The following FGGY variants were observed in gnomAD, a reference collection of about 807,000 sequenced individuals.
FGGY encodes the protein FGGY carbohydrate kinase domain-containing protein.
A neutral mutation model predicts 71.3 loss-of-function variants in FGGY; 72 were observed. That is an observed-to-expected ratio of 1.01 (90% CI 0.84 to 1.23). FGGY has a LOEUF of 1.23. FGGY is among the 50% of genes most tolerant of loss of function. The pLI is 0.00. For missense variants in FGGY, 668 were observed against 682.3 expected (o/e 0.98, Z 0.23); for synonymous variants, 251 against 250.3 (o/e 1.00, Z -0.02).
At position 59,379,162 on chromosome 1, in the gene FGGY, A is replaced by ACACACACACACACAC. The variant is rs2059056932; in HGVS notation, c.554+325_554+326insCACACACACACACAC. 1.4e-4 allele frequency among the ~76,000 whole-genome samples: 20 copies of ACACACACACACACAC among 143,234 alleles called. No homozygotes were observed. In the South Asian group the frequency reaches 4.3e-3, roughly 31 times the overall value. The allele number at this position is 143,234 out of a possible 152,430, so 94.0% of individuals were successfully genotyped here. A position where few individuals can be genotyped will look rare whatever the true frequency, so the allele number is the denominator to read the frequency against. On this transcript the variant is annotated intron_variant, in intron 5 of 15. Transcript: ENST00000303721. ...ACATGATGAATAAAAGGAAAAAATAAACACACACACACACACACACACACA... is the reference window on the plus strand; with the variant it reads ...ACATGATGAATAAAAGGAAAAAATAACACACACACACACACACACACACACACACACACACACACA...
chr1:59,462,398 G>T (rs2092307658), intron 6 of FGGY, among the ~76,000 whole-genome samples: 1 of 152,068 alleles, frequency 6.6e-6, no homozygotes, highest in African/African-American at 2.4e-5. Flanking sequence ...ATAGGCATGG[G>T]CAAGGACTTC....
At chr1:59,593,317 C>T (rs2096480101) in intron 8 of FGGY, among the ~76,000 whole-genome samples, 1 of 152,208 alleles carries the variant, frequency 6.6e-6, no homozygotes, top group Admixed American at 6.5e-5. Flanking sequence ...ATCATCTTCC[C>T]ATCGCCTTCA....
At chr1:59,564,486 C>T (rs911709523) in intron 8 of FGGY, among the ~76,000 whole-genome samples, 47 of 152,190 alleles carry the variant, frequency 3.1e-4, no homozygotes, top group African/African-American at 1.1e-3. Flanking sequence ...GTGGCCTGGG[C>T]CTGGGGGGCC....
intron 14 of FGGY, among the ~76,000 whole-genome samples, chr1:59,726,609 A>C (rs2097950838): frequency 6.6e-6 from 1 of 152,174 alleles, no homozygotes; most frequent in Admixed American, 6.5e-5. Context: ...TCATTAGTGG[A>C]TACAGCTCTA....
chr1:59,516,440 G>A (rs1420341060), intron 7 of FGGY, among the ~76,000 whole-genome samples: 1 of 152,202 alleles, frequency 6.6e-6, no homozygotes, highest in Non-Finnish European at 1.5e-5. Flanking sequence ...TAATAGTATA[G>A]GTTTGGGACA....
chr1:59,375,071 TAAA>T (rs369481865), intron 4 of FGGY, among the ~76,000 whole-genome samples: 1 of 140,266 alleles, frequency 7.1e-6, no homozygotes, highest in East Asian at 2.1e-4. Flanking sequence ...ATAATAATAA[TAAA>T]AAAAAATCCA....
chr1:59,547,429 C>T (rs2095543506), intron 7 of FGGY, among the ~76,000 whole-genome samples: 1 of 152,108 alleles, frequency 6.6e-6, no homozygotes, highest in Admixed American at 6.6e-5. Context: ...CTTCTGTGAA[C>T]TCCACGAGAT....
At chr1:59,503,222 A>C (rs2153612523) in intron 6 of FGGY, among the ~76,000 whole-genome samples, 1 of 152,292 alleles carries the variant, frequency 6.6e-6, no homozygotes, top group South Asian at 2.1e-4. Context: ...ATTACTATAA[A>C]ATCTAATTCT....
chr1:59,590,483 C>T (rs1463574862), intron 8 of FGGY, among the ~76,000 whole-genome samples: 4 of 151,848 alleles, frequency 2.6e-5, no homozygotes, highest in Non-Finnish European at 4.4e-5. Context: ...GAGACACAAC[C>T]AAAAAAGAGA....
intron 12 of FGGY, among the ~76,000 whole-genome samples, chr1:59,661,739 G>T (rs1197008958): frequency 2.2e-5 from 3 of 134,660 alleles, no homozygotes; most frequent in Admixed American, 7.4e-5. Flanking sequence ...TTTTTGTTTT[G>T]AGACAGAGTC....
At chr1:59,639,587 G>C (rs933494982) in intron 11 of FGGY, among the ~76,000 whole-genome samples, 3 of 152,166 alleles carry the variant, frequency 2.0e-5, no homozygotes, top group Non-Finnish European at 4.4e-5. Flanking sequence ...ACAGGGGGTA[G>C]GGGAAGAACA....
At chr1:59,541,641 T>C (rs2095441460) in intron 7 of FGGY, among the ~76,000 whole-genome samples, 1 of 152,208 alleles carries the variant, frequency 6.6e-6, no homozygotes, top group Non-Finnish European at 1.5e-5. Context: ...TTAAAATTAT[T>C]TCCTTTGAAA....
At chr1:59,391,562 G>C (rs1307475329) in intron 5 of FGGY, among the ~76,000 whole-genome samples, 1 of 152,182 alleles carries the variant, frequency 6.6e-6, no homozygotes, top group East Asian at 1.9e-4. Context: ...ATAGAAAAGG[G>C]TGAGAAGCCC....
chr1:59,762,087 A>G (rs1296074093), intron 15 of FGGY, among the ~76,000 whole-genome samples: 3 of 107,014 alleles, frequency 2.8e-5, no homozygotes, highest in East Asian at 2.7e-4. Context: ...TTTTTTTTTG[A>G]TGGAGTCTGG....
chr1:59,691,543 G>C (rs2097586610), intron 14 of FGGY, among the ~76,000 whole-genome samples: 1 of 152,004 alleles, frequency 6.6e-6, no homozygotes, highest in African/African-American at 2.4e-5. Context: ...CTGACCTCTT[G>C]CTTCACTAGC....
At chr1:59,690,864 C>T (rs1393264982) in intron 14 of FGGY, among the ~76,000 whole-genome samples, 2 of 152,224 alleles carry the variant, frequency 1.3e-5, no homozygotes, top group East Asian at 3.8e-4. Flanking sequence ...TTTACTTGTG[C>T]ACATTAGCTG....
At chr1:59,509,925 G>A (rs763254477) in intron 6 of FGGY, among the ~76,000 whole-genome samples, 5 of 152,074 alleles carry the variant, frequency 3.3e-5, no homozygotes, top group African/African-American at 4.8e-5. Flanking sequence ...GTGGAGATTG[G>A]GGGTGAAGGT....
In FGGY at chr1:59,644,975, C is replaced by CAAA. The variant is rs397940421; in HGVS notation, c.1221+6611_1221+6613dup. 3.6e-3 allele frequency among the ~76,000 whole-genome samples: 479 copies of CAAA among 133,690 alleles called. 3 individuals carry two copies. Among genetic ancestry groups the CAAA allele is most frequent in the African/African-American group, 0.012 (458 of 37,234 alleles). The allele number at this position is 133,690 out of a possible 152,430, so 87.7% of individuals were successfully genotyped here. A position where few individuals can be genotyped will look rare whatever the true frequency, so the allele number is the denominator to read the frequency against. ...CTGGCAAGACAGCGAGGCTCCATCT[C>CAAA]AAAAAAAAAAAAAGATAGATGAAGA... On this transcript the variant is annotated intron_variant, in intron 11 of 15. Transcript: ENST00000303721.
intron 13 of FGGY, 194 bp from the exon 14 acceptor site, chr1:59,673,845 C>T (rs1043199674): frequency 1.1e-5 from 6 of 550,898 alleles, no homozygotes; most frequent in Non-Finnish European, 2.0e-5. Flanking sequence ...GGCTACTGCA[C>T]CAGCAGGCAC....
Sources: gnomAD v4.1 joint callset for allele counts (sites outside exome capture counted in the v4.1 genomes callset) on GRCh38, gnomAD v4.1.1 for gene constraint, MANE v1.5 for transcripts, NCBI Gene and HGNC (gene_info 2026-07-23, HGNC 2026-07-21) for gene names.